FRMD4A: variants seen among roughly 807,000 people sequenced by gnomAD.
FRMD4A encodes the protein FERM domain containing 4A.
FRMD4A carries 29 observed loss-of-function variants against 129.1 expected under a neutral mutation model. The ratio of observed to expected loss-of-function variants is 0.22; its 90% CI spans 0.17 to 0.31. The LOEUF is 0.31. FRMD4A is among the 10% of genes least tolerant of loss of function. The pLI, the probability that FRMD4A is intolerant of heterozygous loss-of-function variation, is 1.00. For synonymous variants in FRMD4A, 634 were observed against 571.6 expected (o/e 1.11, Z -1.56); for missense variants, 1,272 against 1,375.8 (o/e 0.92, Z 1.19).
intron 23 of FRMD4A, chr10:13,654,133 T>C (rs1316505085): frequency 9.4e-6 from 5 of 530,910 alleles, no homozygotes; most frequent in African/African-American, 3.9e-5. Flanking sequence ...CTGGAAATCT[T>C]ACCAAAGAAG....
At chr10:14,231,824 T>C (rs1166967178) in intron 2 of FRMD4A, among the ~76,000 whole-genome samples, 1 of 152,230 alleles carries the variant, frequency 6.6e-6, no homozygotes, top group Non-Finnish European at 1.5e-5. Context: ...AGATGCTCGA[T>C]ATTAGACCTT....
At chr10:14,129,061 GC>G (rs1227589191) in intron 2 of FRMD4A, among the ~76,000 whole-genome samples, 2 of 151,658 alleles carry the variant, frequency 1.3e-5, no homozygotes, top group South Asian at 4.2e-4. Context: ...TGCAGGTGTG[GC>G]CCCCCCAATA....
chr10:13,777,872 T>C lies in FRMD4A; in HGVS notation c.384+5050A>G, dbSNP rs559819347. Among the ~76,000 whole-genome samples, 89 of 148,886 alleles carry C rather than the reference T, an allele frequency of 6.0e-4. 1 individual carries two copies. Among genetic ancestry groups the C allele is most frequent in the Non-Finnish European group, 9.6e-4 (65 of 67,422 alleles). ...GGAGTGCAATGGTGCGATCTCGGCT[T>C]ACTGCAACCTCAGCCTCCCGGGTTC... On this transcript the variant is annotated intron_variant, in intron 6 of 24. Coordinates refer to ENST00000357447, the MANE Select transcript of FRMD4A (RefSeq NM_018027.5).
intron 4 of FRMD4A, among the ~76,000 whole-genome samples, chr10:13,798,954 T>C (rs2093188172): frequency 1.3e-5 from 2 of 152,138 alleles, no homozygotes; most frequent in Admixed American, 6.5e-5. Flanking sequence ...CCCTTCCTTC[T>C]TCCCCAGTGA....
At chr10:14,122,346 C>G (rs941156517) in intron 2 of FRMD4A, among the ~76,000 whole-genome samples, 1 of 152,062 alleles carries the variant, frequency 6.6e-6, no homozygotes, top group Non-Finnish European at 1.5e-5. Flanking sequence ...ACGTAAAAAA[C>G]GTTTTTAATT....
intron 13 of FRMD4A, among the ~76,000 whole-genome samples, chr10:13,702,417 C>T (rs759320320): frequency 1.2e-4 from 18 of 152,104 alleles, no homozygotes; most frequent in South Asian, 2.1e-4. Context: ...AAAGTGAAAA[C>T]GGGAACTGTT....
At chr10:13,962,239 C>T (rs1297696616) in intron 2 of FRMD4A, among the ~76,000 whole-genome samples, 1 of 152,182 alleles carries the variant, frequency 6.6e-6, no homozygotes, top group African/African-American at 2.4e-5. Context: ...TAAAGTGTGG[C>T]TGTTGAGATC....
At chr10:14,072,744 C>A (rs919490096) in intron 2 of FRMD4A, among the ~76,000 whole-genome samples, 2 of 152,134 alleles carry the variant, frequency 1.3e-5, no homozygotes, top group African/African-American at 4.8e-5. Flanking sequence ...CAATCATTTC[C>A]CACTGAGATT....
At chr10:13,816,267 G>C (rs2093540751) in intron 3 of FRMD4A, among the ~76,000 whole-genome samples, 1 of 152,166 alleles carries the variant, frequency 6.6e-6, no homozygotes, top group Admixed American at 6.6e-5. Flanking sequence ...AGATGTTGAG[G>C]TTACAACTCC....
rs56663050 is a variant in FRMD4A, at chr10:14,266,499, C to CTGTGTG, written c.45+63553_45+63558dup. 7.5e-4 allele frequency among the ~76,000 whole-genome samples: 113 copies of CTGTGTG among 150,436 alleles called. 2 individuals carry two copies. The highest frequency in any genetic ancestry group is 2.3e-3 in the African/African-American group (94 of 40,938). Reference sequence around the variant, plus strand: ...TAGGATCCCTAGTAGATGTTGTGCTCTGTGTGTGTGTGTGTGTGTGTGTGT... The same window carrying CTGTGTG: ...TAGGATCCCTAGTAGATGTTGTGCTCTGTGTGTGTGTGTGTGTGTGTGTGTGTGTGT... On this transcript the variant is annotated intron_variant, in intron 2 of 24. Transcript: ENST00000357447.
At chr10:14,294,067 A>C (rs1014879886) in intron 2 of FRMD4A, among the ~76,000 whole-genome samples, 24 of 152,214 alleles carry the variant, frequency 1.6e-4, no homozygotes, top group Non-Finnish European at 3.5e-4. Flanking sequence ...CAAAATACAG[A>C]CTGGTTGATA....
intron 2 of FRMD4A, among the ~76,000 whole-genome samples, chr10:14,117,202 G>C (rs1263959426): frequency 6.6e-6 from 1 of 152,226 alleles, no homozygotes; most frequent in Admixed American, 6.5e-5. Context: ...GACTAACATG[G>C]ACTCTATTCC....
chr10:13,858,088 G>A (rs1413068339), intron 3 of FRMD4A, among the ~76,000 whole-genome samples: 1 of 152,178 alleles, frequency 6.6e-6, no homozygotes, highest in Non-Finnish European at 1.5e-5. Context: ...CACTTAGAAA[G>A]AGGACCGAGT....
intron 2 of FRMD4A, among the ~76,000 whole-genome samples, chr10:14,171,107 T>C (rs946707488): frequency 6.6e-6 from 1 of 151,930 alleles, no homozygotes; most frequent in Admixed American, 6.6e-5. Flanking sequence ...GTTTGGAGGA[T>C]TAAAAATCTA....
At chr10:14,069,644 T>C (rs1162567543) in intron 2 of FRMD4A, among the ~76,000 whole-genome samples, 1 of 152,220 alleles carries the variant, frequency 6.6e-6, no homozygotes, top group Non-Finnish European at 1.5e-5. Context: ...ATATATATTT[T>C]CTGATTTTTC....
intron 2 of FRMD4A, among the ~76,000 whole-genome samples, chr10:14,291,075 A>G (rs1042165450): frequency 6.6e-6 from 1 of 152,140 alleles, no homozygotes; most frequent in African/African-American, 2.4e-5. Flanking sequence ...GAGTGATACT[A>G]TGAAGAAAGG....
intron 14 of FRMD4A, 34 bp downstream of exon 14, chr10:13,701,306 T>C: frequency 6.3e-7 from 1 of 1,594,458 alleles, no homozygotes; most frequent in South Asian, 1.1e-5. Context: ...AGGCAGACAA[T>C]GGCCCGGGCT....
At position 13,657,015 on chromosome 10, in the gene FRMD4A, C is replaced by T. The variant is rs773503458; in HGVS notation, c.2574G>A (p.Glu858=). The T allele has an allele frequency of 1.3e-6, 2 of 1,568,338 alleles. No individual in the cohort carries two copies. The highest frequency in any genetic ancestry group is 2.3e-5 in the South Asian group (2 of 88,254). Residue 858 remains glutamate (E), a synonymous_variant, in exon 22 of 25, where the codon GAG becomes GAA. Transcript: ENST00000357447. ...ACTGAGCCTTGACGCTGTAGTGGCC[C>T]TCCTGGTCGCTCTCCAGGCTGCGCA... ...VVVRSLESDQ[E]GHYSVKAQFK...
intron 3 of FRMD4A, among the ~76,000 whole-genome samples, chr10:13,824,570 C>A (rs957413164): frequency 1.3e-5 from 2 of 151,612 alleles, no homozygotes; most frequent in African/African-American, 4.8e-5. Context: ...TATAGTATAA[C>A]AACTATATAG....
Sources: gnomAD v4.1 joint callset for allele counts (sites outside exome capture counted in the v4.1 genomes callset) on GRCh38, gnomAD v4.1.1 for gene constraint, MANE v1.5 for transcripts, NCBI Gene and HGNC (gene_info 2026-07-23, HGNC 2026-07-21) for gene names.